The following CBFA2T3 variants were observed in gnomAD, a reference collection of about 807,000 sequenced individuals.
CBFA2T3 encodes the protein transcriptional corepressor CBFA2T3.
A neutral mutation model predicts 58.6 loss-of-function variants in CBFA2T3; 31 were observed. The observed-to-expected ratio is 0.53, with a 90% CI of 0.40 to 0.71. CBFA2T3 has a LOEUF of 0.71. Ranked by LOEUF, CBFA2T3 falls within the 30% of genes least tolerant of loss-of-function variation. The pLI is 0.00. For synonymous variants in CBFA2T3, 531 were observed against 421.9 expected, an observed-to-expected ratio of 1.26 and a Z score of -3.17; for missense variants, 1,076 against 963.1, an observed-to-expected ratio of 1.12 and a Z score of -1.55.
intron 5 of CBFA2T3, among the ~76,000 whole-genome samples, chr16:88,888,547 G>GGGGTGGGA (rs1567581910): frequency 2.4e-3 from 1 of 410 alleles, no homozygotes; most frequent in East Asian, 0.036. Flanking sequence ...GGGGTGGGGT[G>GGGGTGGGA]GGGGTGGGGT....
In CBFA2T3 at chr16:88,892,504, C is replaced by T; in HGVS notation, c.380-19G>A. 6.2e-7 allele frequency: 1 copy of T among 1,609,682 alleles called. No homozygotes were observed. Among genetic ancestry groups the T allele is most frequent in the East Asian group, 2.2e-5 (1 of 44,884 alleles). Reference sequence around the variant, plus strand: ...TTCATCACTGCAGGAGGGAAGCGGACATGAGGACACAAAGGTGATGGTGAC... The same window carrying T: ...TTCATCACTGCAGGAGGGAAGCGGATATGAGGACACAAAGGTGATGGTGAC... On this transcript the variant is annotated intron_variant, in intron 3 of 11. Transcript: ENST00000268679.
At chr16:88,879,136 G>T in intron 11 of CBFA2T3, 134 bp downstream of exon 11, 1 of 733,616 alleles carries the variant, frequency 1.4e-6, no homozygotes, top group African/African-American at 1.7e-5. Flanking sequence ...GGGCGGGGAT[G>T]GCGTGCCTGC....
intron 1 of CBFA2T3, among the ~76,000 whole-genome samples, chr16:88,932,275 G>A (rs913665787): frequency 5.9e-5 from 8 of 136,332 alleles, no homozygotes; most frequent in Non-Finnish European, 9.2e-5. Flanking sequence ...TCCCCATCCC[G>A]GAAAACAGGC....
chr16:88,921,481 C>T (rs1726561078), intron 1 of CBFA2T3, among the ~76,000 whole-genome samples: 2 of 152,092 alleles, frequency 1.3e-5, no homozygotes, highest in Non-Finnish European at 2.9e-5. Flanking sequence ...CGATCCAGGG[C>T]GGCGAGTGGG....
At chr16:88,882,641 T>C (rs1036926334) in intron 8 of CBFA2T3, 35 bp downstream of exon 8, 4 of 1,412,910 alleles carry the variant, frequency 2.8e-6, no homozygotes, top group African/African-American at 1.4e-5. Context: ...CGCCTGGGCA[T>C]GGCTGTGTGG....
chr16:88,947,074 A>G (rs946333089), intron 1 of CBFA2T3, among the ~76,000 whole-genome samples: 4 of 152,244 alleles, frequency 2.6e-5, no homozygotes, highest in Non-Finnish European at 4.4e-5. Context: ...GAGAAGCCCA[A>G]TGTAAACTAT....
In CBFA2T3 at chr16:88,880,965, C is replaced by T. The variant is rs540484980; in HGVS notation, c.1403-177G>A. 1,052 of 677,834 alleles carry T rather than the reference C, an allele frequency of 1.6e-3. 9 individuals are homozygous for T. The African/African-American group carries it at 0.016, about 10-fold the overall frequency. 42.0% of individuals were successfully genotyped at this position (677,834 alleles called of 1,614,324 possible). A position where few individuals can be genotyped will look rare whatever the true frequency, so the allele number is the denominator to read the frequency against. Reference sequence around the variant, plus strand: ...AGGCACCCAGGGCAGTGCCCGGGCACGGGGGGCATTGGAGCTGTGGACCTT... The same window carrying T: ...AGGCACCCAGGGCAGTGCCCGGGCATGGGGGGCATTGGAGCTGTGGACCTT... On this transcript the variant is annotated intron_variant, in intron 9 of 11. Transcript: ENST00000268679.
At chr16:88,935,233 C>T (rs1597753240) in intron 1 of CBFA2T3, among the ~76,000 whole-genome samples, 1 of 152,312 alleles carries the variant, frequency 6.6e-6, no homozygotes. Flanking sequence ...GCAGGAGAGG[C>T]TGCATGGAAG....
At chr16:88,880,858 C>T in intron 9 of CBFA2T3, 70 bp from the exon 10 acceptor site, 1 of 1,396,996 alleles carries the variant, frequency 7.2e-7, no homozygotes, top group Admixed American at 2.0e-5. Context: ...GCCCTCCCCA[C>T]CCTGGCTGGG....
At chr16:88,916,460 GTGTA>G (rs1401821761) in intron 1 of CBFA2T3, among the ~76,000 whole-genome samples, 1 of 151,070 alleles carries the variant, frequency 6.6e-6, no homozygotes, top group African/African-American at 2.5e-5. Flanking sequence ...GCACATGTGG[GTGTA>G]TGTGTGCGTG....
chr16:88,916,336 G>A (rs551165032), intron 1 of CBFA2T3, among the ~76,000 whole-genome samples: 8 of 152,144 alleles, frequency 5.3e-5, no homozygotes, highest in African/African-American at 1.7e-4. Context: ...GTATTCATGT[G>A]TGTGCATGGG....
intron 1 of CBFA2T3, among the ~76,000 whole-genome samples, chr16:88,909,320 G>A (rs8063090): frequency 1.3e-5 from 2 of 152,244 alleles, no homozygotes; most frequent in African/African-American, 4.8e-5. Flanking sequence ...TTAAGGGGAT[G>A]AGCTCAGGCT....
Position 88,921,698 on chromosome 16 carries a change from C to T in CBFA2T3, c.152-20042G>A, listed in dbSNP as rs1057399052. 2.0e-5 allele frequency among the ~76,000 whole-genome samples: 3 copies of T among 152,342 alleles called. No homozygotes were observed. In the East Asian group the frequency reaches 5.8e-4, roughly 29 times the overall value. Reference sequence around the variant, plus strand: ...AGGATAAGAGTCACCCTAAACAGGACCCCTGGGAATTAGGATCCTGTCAGC... The same window carrying T: ...AGGATAAGAGTCACCCTAAACAGGATCCCTGGGAATTAGGATCCTGTCAGC... On this transcript the variant is annotated intron_variant, in intron 1 of 11. Transcript: ENST00000268679.
intron 1 of CBFA2T3, among the ~76,000 whole-genome samples, chr16:88,945,647 A>C (rs1971881930): frequency 6.6e-6 from 1 of 152,212 alleles, no homozygotes; most frequent in African/African-American, 2.4e-5. Flanking sequence ...AGAATAACTA[A>C]AACTCAACAC....
chr16:88,931,790 C>T (rs907765981), intron 1 of CBFA2T3, among the ~76,000 whole-genome samples: 12 of 152,248 alleles, frequency 7.9e-5, no homozygotes, highest in African/African-American at 2.4e-4. Flanking sequence ...GATGCAGGTG[C>T]TGTGGTCCCC....
At chr16:88,927,857 CG>C (rs1971134687) in intron 1 of CBFA2T3, among the ~76,000 whole-genome samples, 2 of 152,202 alleles carry the variant, frequency 1.3e-5, no homozygotes. Flanking sequence ...CTGGGCTGCA[CG>C]GGCCACGATG....
intron 1 of CBFA2T3, among the ~76,000 whole-genome samples, chr16:88,907,096 G>C (rs73254250): frequency 0.025 from 3,788 of 152,268 alleles, 179 homozygotes; most frequent in African/African-American, 0.087. Flanking sequence ...CCATGAAAGA[G>C]AAACGAGGCC....
At chr16:88,879,518 G>C (rs755181978) in intron 10 of CBFA2T3, 58 bp from the exon 11 acceptor site, 32 of 1,517,730 alleles carry the variant, frequency 2.1e-5, no homozygotes, top group Non-Finnish European at 2.8e-5. Flanking sequence ...TGGGTCTCTG[G>C]ACTTCCTACG....
intron 1 of CBFA2T3, among the ~76,000 whole-genome samples, chr16:88,954,414 C>CCCCAGCCAAGGCTCCTCAT (rs1972160517): frequency 9.2e-6 from 1 of 108,112 alleles, no homozygotes; most frequent in African/African-American, 3.7e-5. Context: ...AGACTCCTGA[C>CCCCAGCCAAGGCTCCTCAT]CCCACCCAAG....
Sources: allele counts gnomAD v4.1 joint callset (sites outside exome capture counted in the v4.1 genomes callset), GRCh38; gene constraint gnomAD v4.1.1; transcripts MANE v1.5; gene names NCBI Gene and HGNC (gene_info 2026-07-23, HGNC 2026-07-21).